FOCAD: variants seen among roughly 807,000 people sequenced by gnomAD.
The protein encoded by FOCAD is focadhesin.
FOCAD carries 198 observed loss-of-function variants against 225.6 expected under a neutral mutation model. That is an observed-to-expected ratio of 0.88 (90% confidence interval 0.78 to 0.99). The LOEUF is 0.99. FOCAD is among the 50% of genes least tolerant of loss of function. The pLI is 0.00. For missense variants in FOCAD, 2,713 were observed against 2,123.6 expected (o/e 1.28, Z -5.46); for synonymous variants, 897 against 755.0 (o/e 1.19, Z -3.08).
rs527809234 is a variant in FOCAD, at chr9:20,766,827, C to CT, written c.699+1764dup. Among the ~76,000 whole-genome samples the CT allele has an allele frequency of 1.5e-3, 216 of 146,992 alleles. 1 individual carries two copies. The highest frequency in any genetic ancestry group is 4.3e-3 in the African/African-American group (173 of 40,176). ...ATGACTACAATGCTGTTGATGTGGTCTTTTTTTTTTATTATACTTTAAGTT... is the reference window on the plus strand; with the variant it reads ...ATGACTACAATGCTGTTGATGTGGTCTTTTTTTTTTTATTATACTTTAAGTT... On this transcript the variant is annotated intron_variant, in intron 7 of 43. Transcript: ENST00000338382.
At position 20,754,023 on chromosome 9, in the gene FOCAD, T is replaced by G. The variant is rs558186123; in HGVS notation, c.393-4067T>G. Reference sequence around the variant, plus strand: ...GACTCAGGTTGTGTTTTGGCGTTCTTTGTACCACATTCTTCCCTTTTTTGA... The same window carrying G: ...GACTCAGGTTGTGTTTTGGCGTTCTGTGTACCACATTCTTCCCTTTTTTGA... On this transcript the variant is annotated intron_variant, in intron 5 of 43. Transcript: ENST00000338382. 1.6e-4 allele frequency among the ~76,000 whole-genome samples: 25 copies of G among 152,262 alleles called. 1 individual carries two copies. In the East Asian group the frequency reaches 4.8e-3, roughly 29 times the overall value.
chr9:20,944,494 A>G (rs772606133), intron 28 of FOCAD, 133 bp from the exon 29 acceptor site: 55 of 901,140 alleles, frequency 6.1e-5, no homozygotes, highest in Non-Finnish European at 8.8e-5. Context: ...GGGGCACACC[A>G]TCTACTAGGC....
intron 4 of FOCAD, among the ~76,000 whole-genome samples, chr9:20,739,108 T>TA (rs775187171): frequency 3.8e-4 from 58 of 151,930 alleles, no homozygotes; most frequent in Non-Finnish European, 5.4e-4. Flanking sequence ...TTAAATGCCA[T>TA]AAAAAAATAC....
chr9:20,720,958 C>A (rs1389076294), intron 4 of FOCAD, among the ~76,000 whole-genome samples: 1 of 152,150 alleles, frequency 6.6e-6, no homozygotes, highest in Non-Finnish European at 1.5e-5. Context: ...GCATTTATTT[C>A]TCAAATATTT....
intron 1 of FOCAD, among the ~76,000 whole-genome samples, chr9:20,705,931 T>G (rs914190206): frequency 4.8e-4 from 26 of 53,830 alleles, no homozygotes; most frequent in Non-Finnish European, 8.2e-4. Flanking sequence ...TAAGTTTTTT[T>G]TTTTTTTTTT....
intron 23 of FOCAD, among the ~76,000 whole-genome samples, chr9:20,915,348 A>G (rs532327805): frequency 2.0e-5 from 3 of 152,332 alleles, no homozygotes; most frequent in African/African-American, 7.2e-5. Flanking sequence ...GAGGGAACCA[A>G]TAAAGCAGAC....
chr9:20,757,964 T>A, intron 5 of FOCAD, 126 bp from the exon 6 acceptor site: 1 of 480,744 alleles, frequency 2.1e-6, no homozygotes, highest in Non-Finnish European at 3.7e-6. Flanking sequence ...GATCATTTTG[T>A]GACAATTATG....
rs139819438 is a variant in FOCAD, at chr9:20,855,416, T to G, written c.1921-7162T>G. 4.7e-3 allele frequency among the ~76,000 whole-genome samples: 720 copies of G among 151,746 alleles called. 5 individuals carry two copies. The highest frequency in any genetic ancestry group is 0.016 in the African/African-American group (663 of 41,538). On this transcript the variant is annotated intron_variant, in intron 15 of 43. Transcript: ENST00000338382. ...TGTTTTTTCCTTGTCTCTGAATAAG[T>G]AAATTGTTTTTTAATTTTTATCATT... is the stretch of plus-strand genomic sequence containing the variant.
intron 15 of FOCAD, among the ~76,000 whole-genome samples, chr9:20,857,385 C>G (rs1828292548): frequency 6.6e-6 from 1 of 151,360 alleles, no homozygotes; most frequent in African/African-American, 2.4e-5. Context: ...TTCTTGGTTT[C>G]TTTTTCAGAT....
intron 21 of FOCAD, among the ~76,000 whole-genome samples, chr9:20,887,559 T>G (rs762370785): frequency 6.6e-6 from 1 of 152,194 alleles, no homozygotes; most frequent in African/African-American, 2.4e-5. Context: ...TTCTTGAGAA[T>G]TGCAGTTTGT....
intron 15 of FOCAD, among the ~76,000 whole-genome samples, chr9:20,844,245 T>G (rs1826838212): frequency 6.6e-6 from 1 of 152,056 alleles, no homozygotes; most frequent in African/African-American, 2.4e-5. Context: ...TCATGTTTAT[T>G]TCTCCACCTA....
At chr9:20,922,486 C>A (rs1834533321) in intron 24 of FOCAD, among the ~76,000 whole-genome samples, 1 of 152,242 alleles carries the variant, frequency 6.6e-6, no homozygotes, top group South Asian at 2.1e-4. Context: ...CCCATTCTTA[C>A]CAAATGAAAG....
At chr9:20,782,984 A>G (rs933978800) in intron 10 of FOCAD, among the ~76,000 whole-genome samples, 1 of 152,196 alleles carries the variant, frequency 6.6e-6, no homozygotes, top group African/African-American at 2.4e-5. Context: ...ATCAGCCCTA[A>G]TAGGAGTACA....
At chr9:20,800,547 C>G (rs1361642313) in intron 11 of FOCAD, among the ~76,000 whole-genome samples, 2 of 152,216 alleles carry the variant, frequency 1.3e-5, no homozygotes, top group Non-Finnish European at 2.9e-5. Flanking sequence ...TTGTTTGTTT[C>G]TTTTCACTCT....
chr9:20,896,276 C>A (rs550821358), intron 21 of FOCAD, among the ~76,000 whole-genome samples: 2 of 151,782 alleles, frequency 1.3e-5, no homozygotes, highest in African/African-American at 4.8e-5. Context: ...TTTGTTGAGG[C>A]CTTTTACATT....
chr9:20,758,239 A>G (rs991502457), intron 6 of FOCAD, 48 bp downstream of exon 6: 14 of 1,351,726 alleles, frequency 1.0e-5, no homozygotes, highest in African/African-American at 1.5e-5. Context: ...ACAGAATGGT[A>G]TATGCTAATT....
intron 15 of FOCAD, among the ~76,000 whole-genome samples, chr9:20,827,499 T>C (rs561179195): frequency 6.6e-6 from 1 of 151,810 alleles, no homozygotes; most frequent in South Asian, 2.1e-4. Flanking sequence ...GTGGCGTGTG[T>C]GTGTGTGTGT....
At chr9:20,819,656 A>T (rs1434244647) in intron 11 of FOCAD, 140 bp from the exon 12 acceptor site, 1 of 440,166 alleles carries the variant, frequency 2.3e-6, no homozygotes, top group Non-Finnish European at 4.0e-6. Flanking sequence ...ATTAGCAAGT[A>T]ATAGCTAACT....
intron 4 of FOCAD, among the ~76,000 whole-genome samples, chr9:20,731,805 C>G (rs761066705): frequency 8.6e-5 from 13 of 151,864 alleles, no homozygotes; most frequent in Non-Finnish European, 1.8e-4. Flanking sequence ...TTAGTAGAGA[C>G]GGGGTTTCTC....
Sources: gnomAD v4.1 joint callset for allele counts (sites outside exome capture counted in the v4.1 genomes callset) on GRCh38, gnomAD v4.1.1 for gene constraint, MANE v1.5 for transcripts, NCBI Gene and HGNC (gene_info 2026-07-23, HGNC 2026-07-21) for gene names.